The following FRMPD2 variants were observed in gnomAD, a reference collection of about 807,000 sequenced individuals.
FRMPD2 encodes FERM and PDZ domain containing 2, also known as FERM and PDZ domain-containing protein 2.
In FRMPD2, 96 loss-of-function variants were observed where a neutral mutation model predicts 140.1. That is an observed-to-expected ratio of 0.69 (90% CI 0.58 to 0.81). The LOEUF (loss-of-function observed/expected upper bound fraction) is 0.81. Among genes scored for constraint, FRMPD2 ranks in the 40% least tolerant of loss-of-function variants. FRMPD2 has a pLI of 0.00. For missense variants in FRMPD2, 1,240 were observed against 1,447.4 expected, an observed-to-expected ratio of 0.86 and a Z score of 2.32; for synonymous variants, 449 against 547.6, an observed-to-expected ratio of 0.82 and a Z score of 2.52.
chr10:48,242,351 G>A lies in FRMPD2; in HGVS notation c.377C>T (p.Pro126Leu), dbSNP rs200265457. Residue 126 changes from proline (P) to leucine (L), a missense_variant and splice_region_variant, in exon 5 of 29, where the codon CCC becomes CTC. Coordinates refer to ENST00000374201, the MANE Select transcript of FRMPD2 (RefSeq NM_001018071.4). ...SAGFHVPPHQ[P>L]LQLCEPLHSI... ...GTGCAGGGGCTCGCAGAGCTGCAGG[G>A]GCTGGAGGCAGACAGGGCCGGTGAG... is the stretch of plus-strand genomic sequence containing the variant. 1 of 1,611,654 alleles carries A rather than the reference G, an allele frequency of 6.2e-7. No individual in the cohort carries two copies. The highest frequency in any genetic ancestry group is 8.5e-7 in the Non-Finnish European group (1 of 1,178,316).
At chr10:48,270,970 C>G (rs149465105) in intron 1 of FRMPD2, among the ~76,000 whole-genome samples, 1 of 152,294 alleles carries the variant, frequency 6.6e-6, no homozygotes, top group African/African-American at 2.4e-5. Context: ...ACAACCATAC[C>G]TTGCCCCTGC....
intron 21 of FRMPD2, among the ~76,000 whole-genome samples, 195 bp from the exon 22 acceptor site, chr10:48,178,346 G>A (rs527754732): frequency 2.6e-5 from 4 of 152,276 alleles, no homozygotes; most frequent in Non-Finnish European, 5.9e-5. Flanking sequence ...GGAAGATGAG[G>A]GAGTGATGGG....
chr10:48,211,188 C>A (rs1839313854), intron 13 of FRMPD2, among the ~76,000 whole-genome samples: 1 of 152,238 alleles, frequency 6.6e-6, no homozygotes, highest in Admixed American at 6.5e-5. Flanking sequence ...AGTGCCTGGC[C>A]CACAGCAAGG....
chr10:48,171,885 A>G (rs537150823), intron 25 of FRMPD2, among the ~76,000 whole-genome samples: 1 of 152,362 alleles, frequency 6.6e-6, no homozygotes, highest in African/African-American at 2.4e-5. Context: ...TAAATTTTGC[A>G]TAATTAGACC....
At chr10:48,249,221 A>G (rs1302025707) in intron 2 of FRMPD2, 43 bp from the exon 3 acceptor site, 9 of 1,597,538 alleles carry the variant, frequency 5.6e-6, no homozygotes, top group Non-Finnish European at 6.8e-6. Flanking sequence ...CAGAGCTTCC[A>G]TCTGGGGTGC....
chr10:48,193,847 C>A (rs141542192), intron 15 of FRMPD2, among the ~76,000 whole-genome samples: 1 of 152,256 alleles, frequency 6.6e-6, no homozygotes, highest in South Asian at 2.1e-4. Context: ...ACAGACCCCC[C>A]TCTCTTCTCT....
intron 10 of FRMPD2, among the ~76,000 whole-genome samples, chr10:48,223,721 A>T (rs1312954567): frequency 1.3e-5 from 2 of 152,060 alleles, no homozygotes; most frequent in Non-Finnish European, 2.9e-5. Flanking sequence ...ATATGTTGAA[A>T]CCCTAACACC....
At chr10:48,179,978 C>A (rs1838502752) in intron 21 of FRMPD2, among the ~76,000 whole-genome samples, 1 of 152,194 alleles carries the variant, frequency 6.6e-6, no homozygotes. Context: ...CTGTGACCAC[C>A]CCTGAGCCTG....
chr10:48,227,029 CA>C (rs1839737746), intron 10 of FRMPD2, among the ~76,000 whole-genome samples: 1 of 152,144 alleles, frequency 6.6e-6, no homozygotes, highest in East Asian at 1.9e-4. Context: ...CAAAAGCCTG[CA>C]AAAGGTGGGG....
chr10:48,192,790 A>G lies in FRMPD2; in HGVS notation c.2059T>C (p.Phe687Leu). ...GCAGCACCCTGAAGCCTGGATACAA[A>G]CAACTCGTTTTCTGAGCATGACAAT... is the stretch of plus-strand genomic sequence containing the variant. ...QRLSCSENEL[F>L]VSRLQGAAGG... Residue 687 changes from phenylalanine to leucine, a missense_variant, in exon 16 of 29, where the codon TTT (phenylalanine) becomes CTT (leucine). Phe to Leu is a conservative substitution (Grantham distance 22). This residue lies in a region of FRMPD2 where 1,161 missense variants were observed against 1,055.9 expected (regional missense o/e 1.10). Transcript: ENST00000374201. 1 of 1,614,074 alleles carries G rather than the reference A, an allele frequency of 6.2e-7. No individual in the cohort carries two copies. Among genetic ancestry groups the G allele is most frequent in the Non-Finnish European group, 8.5e-7 (1 of 1,179,992 alleles).
chr10:48,196,100 G>T (rs1379457316), intron 15 of FRMPD2, among the ~76,000 whole-genome samples: 1 of 152,182 alleles, frequency 6.6e-6, no homozygotes, highest in African/African-American at 2.4e-5. Flanking sequence ...GGAACGTGCT[G>T]CAGGCAGAGG....
At chr10:48,183,057 C>T (rs895122129) in intron 20 of FRMPD2, among the ~76,000 whole-genome samples, 1 of 152,198 alleles carries the variant, frequency 6.6e-6, no homozygotes, top group African/African-American at 2.4e-5. Flanking sequence ...CACCTTCCAC[C>T]ACCCATAGCT....
At chr10:48,268,254 A>G (rs971683799) in intron 1 of FRMPD2, among the ~76,000 whole-genome samples, 1 of 152,228 alleles carries the variant, frequency 6.6e-6, no homozygotes, top group Non-Finnish European at 1.5e-5. Flanking sequence ...GGATACAGAG[A>G]AACTGGATCT....
At chr10:48,158,184 T>C (rs1164393698) in intron 28 of FRMPD2, among the ~76,000 whole-genome samples, 5 of 150,430 alleles carry the variant, frequency 3.3e-5, no homozygotes, top group Non-Finnish European at 7.4e-5. Context: ...TCATCTGAGG[T>C]TCAACCAAAG....
At chr10:48,216,290 GGATA>G (rs71788001) in intron 12 of FRMPD2, among the ~76,000 whole-genome samples, 3,292 of 149,660 alleles carry the variant, frequency 0.022, 86 homozygotes, top group African/African-American at 0.053. Flanking sequence ...CATAGATGAT[GGATA>G]GATAGATAGA....
At position 48,274,602 on chromosome 10, in the gene FRMPD2, C is replaced by G. The variant is rs759150549; in HGVS notation, c.-35G>C. On this transcript the variant is annotated 5_prime_UTR_variant, in exon 1 of 29. The change abolishes an upstream ATG in the 5' untranslated region. Transcript: ENST00000374201. ...TCCGTGACCAGGTCTAGGCCTTCAT[C>G]ATGGGACAACTTTCCAACAAGGAGC... 15 of 1,610,652 alleles carry G rather than the reference C, an allele frequency of 9.3e-6. No individual in the cohort carries two copies. Among genetic ancestry groups the G allele is most frequent in the Admixed American group, 1.7e-5 (1 of 59,694 alleles).
intron 3 of FRMPD2, among the ~76,000 whole-genome samples, chr10:48,248,133 C>A (rs1352730635): frequency 1.3e-5 from 2 of 152,180 alleles, no homozygotes. Flanking sequence ...GCAGCATTTT[C>A]ACATCTGCAC....
intron 3 of FRMPD2, chr10:48,248,668 T>C (rs1021341115): frequency 6.2e-6 from 1 of 161,652 alleles, no homozygotes; most frequent in African/African-American, 2.4e-5. Flanking sequence ...ACGTGTTGGG[T>C]CATTTTGAGG....
At chr10:48,198,405 T>C (rs1839001423) in intron 15 of FRMPD2, among the ~76,000 whole-genome samples, 1 of 152,204 alleles carries the variant, frequency 6.6e-6, no homozygotes, top group South Asian at 2.1e-4. Flanking sequence ...GAAAATTAAA[T>C]AACATTGAAA....
Sources: allele counts gnomAD v4.1 joint callset (sites outside exome capture counted in the v4.1 genomes callset), GRCh38; gene constraint gnomAD v4.1.1; regional missense constraint gnomAD v4.1.1; transcripts MANE v1.5; gene names NCBI Gene and HGNC (gene_info 2026-07-23, HGNC 2026-07-21).